The following HS6ST3 variants were observed in gnomAD, a reference collection of about 807,000 sequenced individuals.
HS6ST3 encodes heparan sulfate 6-O-sulfotransferase 3.
In HS6ST3, 12 loss-of-function variants were observed where a neutral mutation model predicts 36.7. The observed-to-expected ratio is 0.33, with a 90% CI of 0.21 to 0.53. The LOEUF (loss-of-function observed/expected upper bound fraction) is 0.53. HS6ST3 is among the 20% of genes least tolerant of loss of function. The probability of loss-of-function intolerance (pLI) is 0.95; values close to 1 mark genes in which losing one functional copy is unlikely to be tolerated. For missense variants in HS6ST3, 584 were observed against 640.9 expected (o/e 0.91, Z 0.96); for synonymous variants, 240 against 257.5 (o/e 0.93, Z 0.65).
intron 1 of HS6ST3, among the ~76,000 whole-genome samples, chr13:96,252,390 T>C (rs2054611723): frequency 6.6e-6 from 1 of 152,220 alleles, no homozygotes; most frequent in Admixed American, 6.5e-5. Flanking sequence ...CTGGCAATTC[T>C]TGGGGTCTCT....
chr13:96,263,287 T>C (rs1217780794), intron 1 of HS6ST3, among the ~76,000 whole-genome samples: 1 of 152,190 alleles, frequency 6.6e-6, no homozygotes, highest in Non-Finnish European at 1.5e-5. Context: ...TATAGTTTTC[T>C]ATCCAAACAA....
intron 1 of HS6ST3, among the ~76,000 whole-genome samples, chr13:96,645,189 A>G (rs943676510): frequency 3.9e-5 from 6 of 151,934 alleles, no homozygotes; most frequent in Admixed American, 2.0e-4. Flanking sequence ...GCAAAGATAG[A>G]AAGTTTAGCA....
At chr13:96,402,694 T>C (rs989088343) in intron 1 of HS6ST3, among the ~76,000 whole-genome samples, 1 of 152,232 alleles carries the variant, frequency 6.6e-6, no homozygotes, top group African/African-American at 2.4e-5. Context: ...TTTTGTGTCG[T>C]GCTTTTATTT....
intron 1 of HS6ST3, among the ~76,000 whole-genome samples, chr13:96,316,909 TTATTC>T (rs2054972914): frequency 6.6e-6 from 1 of 152,180 alleles, no homozygotes; most frequent in South Asian, 2.1e-4. Context: ...TGATTTTTGT[TTATTC>T]TATAAGCGCC....
intron 1 of HS6ST3, among the ~76,000 whole-genome samples, chr13:96,628,912 G>C (rs1435420357): frequency 6.6e-6 from 1 of 151,870 alleles, no homozygotes; most frequent in East Asian, 1.9e-4. Flanking sequence ...CCGTATATGT[G>C]TGTGTATGTG....
intron 1 of HS6ST3, among the ~76,000 whole-genome samples, chr13:96,472,286 G>T (rs1445355114): frequency 6.6e-6 from 1 of 152,186 alleles, no homozygotes; most frequent in Non-Finnish European, 1.5e-5. Flanking sequence ...AAGCATGCTA[G>T]GTGGCTAGGT....
intron 1 of HS6ST3, among the ~76,000 whole-genome samples, chr13:96,281,777 G>A (rs2054777104): frequency 6.6e-6 from 1 of 152,202 alleles, no homozygotes; most frequent in African/African-American, 2.4e-5. Context: ...GTTACTTAGA[G>A]CTGTGAATTC....
At chr13:96,300,722 A>C (rs1239243565) in intron 1 of HS6ST3, among the ~76,000 whole-genome samples, 1 of 152,152 alleles carries the variant, frequency 6.6e-6, no homozygotes, top group African/African-American at 2.4e-5. Flanking sequence ...TTTTATATTA[A>C]AAATATATAG....
At chr13:96,511,100 A>C (rs1443034830) in intron 1 of HS6ST3, among the ~76,000 whole-genome samples, 1 of 152,140 alleles carries the variant, frequency 6.6e-6, no homozygotes, top group East Asian at 1.9e-4. Context: ...TTGACTCAGC[A>C]CACTGAGATG....
intron 1 of HS6ST3, among the ~76,000 whole-genome samples, chr13:96,382,464 A>G (rs1407801396): frequency 6.6e-6 from 1 of 152,248 alleles, no homozygotes; most frequent in Non-Finnish European, 1.5e-5. Flanking sequence ...ATAATGTTCC[A>G]GAAAATATAT....
chr13:96,392,966 C>A (rs2055403285), intron 1 of HS6ST3, among the ~76,000 whole-genome samples: 1 of 152,158 alleles, frequency 6.6e-6, no homozygotes, highest in African/African-American at 2.4e-5. Flanking sequence ...CCCATAATTC[C>A]TACCTGCTAT....
chr13:96,347,615 TATAATC>T (rs1244212781), intron 1 of HS6ST3, among the ~76,000 whole-genome samples: 2 of 152,248 alleles, frequency 1.3e-5, no homozygotes. Flanking sequence ...AAATTAATGA[TATAATC>T]AGAAAAGATG....
At chr13:96,146,845 G>A (rs907428271) in intron 1 of HS6ST3, among the ~76,000 whole-genome samples, 6 of 152,110 alleles carry the variant, frequency 3.9e-5, no homozygotes, top group African/African-American at 7.2e-5. Flanking sequence ...ATTTAATAAG[G>A]AAACAATTGT....
At chr13:96,688,242 T>TAATAATAAA (rs1169064993) in intron 1 of HS6ST3, among the ~76,000 whole-genome samples, 2 of 129,092 alleles carry the variant, frequency 1.5e-5, no homozygotes, top group African/African-American at 2.7e-5. Context: ...ATCATCATAA[T>TAATAATAAA]AAAAAGACTC....
chr13:96,786,873 C>CT (rs57837097), intron 1 of HS6ST3, among the ~76,000 whole-genome samples: 152,134 of 152,142 alleles, frequency 1, 76,063 homozygotes, highest in Middle Eastern at 1. Flanking sequence ...TCATGCTACC[C>CT]TTTTTAATCA....
chr13:96,219,026 A>G (rs1330179769), intron 1 of HS6ST3, among the ~76,000 whole-genome samples: 1 of 151,962 alleles, frequency 6.6e-6, no homozygotes, highest in Admixed American at 6.6e-5. Flanking sequence ...TTTTCACACG[A>G]AGTTGCCCTT....
intron 1 of HS6ST3, among the ~76,000 whole-genome samples, chr13:96,338,890 A>G (rs1404585515): frequency 6.6e-6 from 1 of 152,188 alleles, no homozygotes; most frequent in Non-Finnish European, 1.5e-5. Flanking sequence ...TTTCAAAAAA[A>G]CAAGACTCTT....
chr13:96,833,320 ATCT>A lies in HS6ST3; in HGVS notation c.*128_*130del, dbSNP rs1403513503. 1.2e-5 allele frequency: 8 copies of A among 683,006 alleles called. No homozygotes were observed. The highest frequency in any genetic ancestry group is 3.6e-5 in the African/African-American group (2 of 55,366). The allele number at this position is 683,006 out of a possible 1,614,324, so 42.3% of individuals were successfully genotyped here. On this transcript the variant is annotated 3_prime_UTR_variant, in exon 2 of 2. Coordinates refer to ENST00000376705, the MANE Select transcript of HS6ST3 (RefSeq NM_153456.4). The stretch of plus-strand genomic sequence containing the variant: ...CTGGCTGTGTGTGCTTGATTTGGAC[ATCT>A]TCTTCCTTCTTTGTCTTCATTTTTA...
At chr13:96,668,268 A>C (rs2056670897) in intron 1 of HS6ST3, among the ~76,000 whole-genome samples, 1 of 152,142 alleles carries the variant, frequency 6.6e-6, no homozygotes, top group Non-Finnish European at 1.5e-5. Context: ...ACTGTCTTAC[A>C]GGCAACATGT....
Sources: allele counts gnomAD v4.1 joint callset (sites outside exome capture counted in the v4.1 genomes callset), GRCh38; gene constraint gnomAD v4.1.1; transcripts MANE v1.5; gene names NCBI Gene and HGNC (gene_info 2026-07-23, HGNC 2026-07-21).